ZNF496: variants seen among roughly 807,000 people sequenced by gnomAD.
ZNF496 encodes the protein NSD1 (nuclear receptor binding SET-domain containing 1)-interacting zinc finger protein 1.
In ZNF496, 11 loss-of-function variants were observed where a neutral mutation model predicts 58.9. The ratio of observed to expected loss-of-function variants is 0.19; its 90% CI spans 0.12 to 0.31. The LOEUF is 0.31. Ranked by LOEUF, ZNF496 falls within the 10% of genes least tolerant of loss-of-function variation. The pLI is 1.00. For missense variants in ZNF496, 660 were observed against 783.0 expected (o/e 0.84, Z 1.88); for synonymous variants, 338 against 318.2 (o/e 1.06, Z -0.66).
At chr1:247,307,071 A>G (rs1659437916) in intron 9 of ZNF496, 1 of 984,168 alleles carries the variant, frequency 1.0e-6, no homozygotes, top group African/African-American at 1.7e-5. Flanking sequence ...AGAACACAAT[A>G]AACAAGAAAA....
At position 247,300,471 on chromosome 1, in the gene ZNF496, G is replaced by A; in HGVS notation, c.*48C>T. The A allele has an allele frequency of 4.5e-6, 7 of 1,557,520 alleles. No homozygotes were observed. Among genetic ancestry groups the A allele is most frequent in the Non-Finnish European group, 6.1e-6 (7 of 1,150,600 alleles). On this transcript the variant is annotated 3_prime_UTR_variant, in exon 10 of 10. Transcript: ENST00000682384. The surrounding 1 kb of genome is among the most constrained non-coding windows in gnomAD (Gnocchi z 5.7). ...GGTGGGGGCGCTGATCAGTACCAAG[G>A]TGAGGGGGCAGCACCAGCCAGGGTG...
chr1:247,322,852 A>C, intron 6 of ZNF496: 1 of 1,219,752 alleles, frequency 8.2e-7, no homozygotes. Flanking sequence ...CAAGAGGGGA[A>C]CTTAGACATG....
intron 6 of ZNF496, among the ~76,000 whole-genome samples, chr1:247,314,746 C>T (rs1330750986): frequency 6.6e-6 from 1 of 152,074 alleles, no homozygotes; most frequent in Non-Finnish European, 1.5e-5. Flanking sequence ...GAGTGATTTT[C>T]TTTCTTTCTC....
Position 247,300,833 on chromosome 1 carries a change from T to C in ZNF496, c.1450A>G (p.Ile484Val). 6.2e-7 allele frequency: 1 copy of C among 1,609,340 alleles called. No homozygotes were observed. The highest frequency in any genetic ancestry group is 1.7e-4 in the Middle Eastern group (1 of 6,042). Residue 484 changes from isoleucine (I) to valine (V), a missense_variant, in exon 10 of 10, where the codon ATA becomes GTA. Transcript: ENST00000682384. This position sits in a 1 kb window ranked among gnomAD's most constrained non-coding sequence, Gnocchi z 5.7. ...LNSHLLSHRR[I>V]HLQPDRLQPV... ...TGGAGTCTGTCCGGCTGCAGGTGTA[T>C]CCGCCGGTGGGAGAGCAGGTGGGAG...
intron 6 of ZNF496, among the ~76,000 whole-genome samples, chr1:247,317,469 C>T (rs1659817397): frequency 6.6e-6 from 1 of 152,152 alleles, no homozygotes; most frequent in African/African-American, 2.4e-5. Context: ...AGACTTCCAC[C>T]CTCACCAGGT....
In ZNF496 at chr1:247,309,886, G is replaced by A. The variant is rs1572077266; in HGVS notation, c.785-80C>T. 1 of 1,526,366 alleles carries A rather than the reference G, an allele frequency of 6.6e-7. No homozygotes were observed. The highest frequency in any genetic ancestry group is 8.9e-7 in the Non-Finnish European group (1 of 1,118,156). 94.6% of individuals were successfully genotyped at this position (1,526,366 alleles called of 1,614,324 possible). A position where few individuals can be genotyped will look rare whatever the true frequency, so the allele number is the denominator to read the frequency against. ...ACCAGGGCTGGTCCAGAAGAGAGAA[G>A]GCGGAGGGATGCCCAGCGGGCATGG... On this transcript the variant is annotated intron_variant, in intron 7 of 9. Transcript: ENST00000682384. The surrounding 1 kb of genome is among the most constrained non-coding windows in gnomAD (Gnocchi z 4.3).
At chr1:247,322,285 A>G (rs1659986302) in intron 6 of ZNF496, among the ~76,000 whole-genome samples, 1 of 152,178 alleles carries the variant, frequency 6.6e-6, no homozygotes, top group Non-Finnish European at 1.5e-5. Context: ...CCTGTCTCTA[A>G]AAATAAAAAT....
chr1:247,301,374 C>T (rs924960201), intron 9 of ZNF496, 98 bp from the exon 10 acceptor site: 1 of 1,437,280 alleles, frequency 7.0e-7, no homozygotes, highest in African/African-American at 1.4e-5. Flanking sequence ...GTTTACAAAC[C>T]CGTGTTTTTA....
chr1:247,308,683 G>A lies in ZNF496; in HGVS notation c.893-95C>T, dbSNP rs983947651. 1 of 1,236,868 alleles carries A rather than the reference G, an allele frequency of 8.1e-7. No individual in the cohort carries two copies. The highest frequency in any genetic ancestry group is 1.3e-5 in the South Asian group (1 of 77,062). 76.6% of individuals were successfully genotyped at this position (1,236,868 alleles called of 1,614,324 possible). On this transcript the variant is annotated intron_variant, in intron 8 of 9. Coordinates refer to ENST00000682384, the MANE Select transcript of ZNF496 (RefSeq NM_032752.3). The surrounding 1 kb of genome is among the most constrained non-coding windows in gnomAD (Gnocchi z 4.5). ...CGAATAGATGCCAGGCTACGATCTG[G>A]GGGCGGCCCTGGGCTCCGTCCTGGG...
intron 6 of ZNF496, among the ~76,000 whole-genome samples, chr1:247,319,944 A>G (rs1403100769): frequency 6.6e-6 from 1 of 152,164 alleles, no homozygotes; most frequent in African/African-American, 2.4e-5. Flanking sequence ...AACAACACAT[A>G]TATACTATCT....
At position 247,298,225 on chromosome 1, in the gene ZNF496, CA is replaced by C. The variant is rs1390758884; in HGVS notation, c.*2293del. The C allele has an allele frequency of 2.6e-5, 4 of 152,176 alleles. No individual in the cohort carries two copies. The highest frequency in any genetic ancestry group is 9.7e-5 in the African/African-American group (4 of 41,438). The allele number at this position is 152,176 out of a possible 1,614,324, so 9.4% of individuals were successfully genotyped here. A position where few individuals can be genotyped will look rare whatever the true frequency, so the allele number is the denominator to read the frequency against. ...GTTTATTTTGTGTTCAAAGTATAAC[CA>C]AATGATTTTATTGCATTTACTGCTC... On this transcript the variant is annotated 3_prime_UTR_variant, in exon 10 of 10. Transcript: ENST00000682384.
rs1361845204 is a variant in ZNF496 at position 247,299,324 on chromosome 1, T to C, written c.*1195A>G. ...AGACACGCACACAGCAAGAGTGCCA[T>C]GTGGAGATGAAGGCAGAGACTGGGT... is the stretch of plus-strand genomic sequence containing the variant. On this transcript the variant is annotated 3_prime_UTR_variant, in exon 10 of 10. Transcript: ENST00000682384. 6.6e-6 allele frequency: 1 copy of C among 152,088 alleles called. No individual in the cohort carries two copies. Among genetic ancestry groups the C allele is most frequent in the Non-Finnish European group, 1.5e-5 (1 of 68,034 alleles). 9.4% of individuals were successfully genotyped at this position (152,088 alleles called of 1,614,324 possible). A position where few individuals can be genotyped will look rare whatever the true frequency, so the allele number is the denominator to read the frequency against.
chr1:247,326,073 C>T (rs1308452770), intron 5 of ZNF496, among the ~76,000 whole-genome samples: 4 of 146,444 alleles, frequency 2.7e-5, no homozygotes, highest in Non-Finnish European at 4.5e-5. Context: ...CATATATACA[C>T]ACACACACAC....
At position 247,323,154 on chromosome 1, in the gene ZNF496, C is replaced by T. The variant is rs1189076395; in HGVS notation, c.651G>A (p.Pro217=). ...AAGGACTCCTGTAGAAACCACTCAC[C>T]GGGGGTAGCTGGAGGGTGGTCACCT... ...TQQVTTLQLP[P]SRVSPFKDMI... Residue 217 remains proline, a splice_region_variant and synonymous_variant, in exon 6 of 10, where the codon CCG becomes CCA. Transcript: ENST00000682384. The T allele has an allele frequency of 4.3e-6, 7 of 1,613,280 alleles. No individual in the cohort carries two copies. The highest frequency in any genetic ancestry group is 5.1e-6 in the Non-Finnish European group (6 of 1,179,416).
At chr1:247,322,659 A>G (rs1659998681) in intron 6 of ZNF496, 1 of 1,245,700 alleles carries the variant, frequency 8.0e-7, no homozygotes, top group African/African-American at 1.5e-5. Context: ...ACACAAAAAC[A>G]CGAACGAGAA....
intron 6 of ZNF496, among the ~76,000 whole-genome samples, chr1:247,321,420 G>A (rs1572089217): frequency 6.6e-6 from 1 of 152,214 alleles, no homozygotes; most frequent in East Asian, 1.9e-4. Context: ...TTGGGAAGAT[G>A]AAAAAGTTCT....
chr1:247,321,522 A>G (rs1659963015), intron 6 of ZNF496, among the ~76,000 whole-genome samples: 1 of 152,210 alleles, frequency 6.6e-6, no homozygotes, highest in South Asian at 2.1e-4. Flanking sequence ...CGCTATGTGT[A>G]TATTACCACA....
At position 247,300,637 on chromosome 1, in the gene ZNF496, T is replaced by C; in HGVS notation, c.1646A>G (p.Lys549Arg). ...RHRSHFHLKD[K>R]ARPFQCRYCV... The stretch of plus-strand genomic sequence containing the variant: ...GTACCGGCACTGGAAGGGCCGGGCT[T>C]TGTCCTTCAGGTGAAAGTGGCTGCG... The change falls in exon 10 of 10, where the codon AAA (lysine) becomes AGA (arginine). Residue 549 changes from lysine (K) to arginine (R), a missense_variant. Lys to Arg is a conservative substitution (Grantham distance 26). Coordinates refer to ENST00000682384, the MANE Select transcript of ZNF496 (RefSeq NM_032752.3). The surrounding 1 kb of genome is among the most constrained non-coding windows in gnomAD (Gnocchi z 5.7). The C allele has an allele frequency of 6.2e-7, 1 of 1,614,166 alleles. No homozygotes were observed.
At chr1:247,301,485 A>G (rs1007977153) in intron 9 of ZNF496, among the ~76,000 whole-genome samples, 5 of 152,216 alleles carry the variant, frequency 3.3e-5, no homozygotes, top group Admixed American at 1.3e-4. Flanking sequence ...CTGTGTCCAG[A>G]GCATGCTGGG....
Sources: gnomAD v4.1 joint callset for allele counts (sites outside exome capture counted in the v4.1 genomes callset) on GRCh38, gnomAD v4.1.1 for gene constraint, Gnocchi (gnomAD v3.1) non-coding constraint, MANE v1.5 for transcripts, NCBI Gene and HGNC (gene_info 2026-07-23, HGNC 2026-07-21) for gene names.